Variants in ASH1L observed in about 807,000 individuals in gnomAD.
The protein encoded by ASH1L is ASH1 like histone lysine methyltransferase, also known as histone-lysine N-methyltransferase ASH1L.
A neutral mutation model predicts 269.0 loss-of-function variants in ASH1L; 23 were observed. The observed-to-expected ratio is 0.09, with a 90% CI of 0.06 to 0.12. The LOEUF is 0.12. Ranked by LOEUF, ASH1L falls within the 10% of genes least tolerant of loss-of-function variation. ASH1L has a pLI of 1.00. For missense variants in ASH1L, 2,912 were observed against 3,567.8 expected (o/e 0.82, Z 4.68); for synonymous variants, 1,187 against 1,253.5 (o/e 0.95, Z 1.12).
At chr1:155,474,188 G>A (rs1285692206) in intron 3 of ASH1L, among the ~76,000 whole-genome samples, 1 of 152,062 alleles carries the variant, frequency 6.6e-6, no homozygotes, top group African/African-American at 2.4e-5. Context: ...TTGATGCTCT[G>A]CTTATAAAGT....
intron 3 of ASH1L, among the ~76,000 whole-genome samples, chr1:155,465,934 T>A (rs1056478839): frequency 2.0e-5 from 3 of 152,190 alleles, no homozygotes; most frequent in Admixed American, 6.5e-5. Context: ...AAAAGCTGGG[T>A]CCACAATAAA....
At position 155,380,134 on chromosome 1, in the gene ASH1L, A is replaced by G. The variant is rs752540445; in HGVS notation, c.6104-18T>C. On this transcript the variant is annotated intron_variant, in intron 7 of 27. Transcript: ENST00000392403. Reference sequence around the variant, plus strand: ...ATACTTTCCTGAAACAAAAAACACTATTAATTTCAATACCTTTTCTAATAT... The same window carrying G: ...ATACTTTCCTGAAACAAAAAACACTGTTAATTTCAATACCTTTTCTAATAT... 2.1e-5 allele frequency: 33 copies of G among 1,571,122 alleles called. No homozygotes were observed. The highest frequency in any genetic ancestry group is 2.6e-5 in the Non-Finnish European group (30 of 1,141,194).
intron 3 of ASH1L, 122 bp from the exon 4 acceptor site, chr1:155,460,020 T>C (rs1558129119): frequency 1.5e-6 from 1 of 674,944 alleles, no homozygotes; most frequent in Non-Finnish European, 2.4e-6. Context: ...TGTAATAACA[T>C]GACTTGTAAC....
At chr1:155,342,481 G>GTTACT (rs1553241660) in intron 24 of ASH1L, among the ~76,000 whole-genome samples, 1 of 152,184 alleles carries the variant, frequency 6.6e-6, no homozygotes, top group Non-Finnish European at 1.5e-5. Flanking sequence ...ACTGAGACAA[G>GTTACT]GAGGACTCAT....
At position 155,521,206 on chromosome 1, in the gene ASH1L, T is replaced by C; in HGVS notation, c.314A>G (p.Asn105Ser). The C allele has an allele frequency of 6.2e-7, 1 of 1,614,144 alleles. No homozygotes were observed. The highest frequency in any genetic ancestry group is 1.1e-5 in the South Asian group (1 of 91,074). The change falls in exon 2 of 28, where the codon AAC becomes AGC. Residue 105 changes from asparagine (N) to serine (S), a missense_variant. Asn to Ser is a conservative substitution (Grantham distance 46). Transcript: ENST00000392403. The stretch of plus-strand genomic sequence containing the variant: ...TTTTATGGCAGGTCGACATACATAG[T>C]TCTCCAAGTTCTTTGGAGGTTTTTT... ...RTKKPPKNLENYVCRPAIKTT... is the reference protein window; with the variant it reads ...RTKKPPKNLESYVCRPAIKTT...
chr1:155,536,287 G>A (rs1670051434), intron 1 of ASH1L, among the ~76,000 whole-genome samples: 1 of 152,176 alleles, frequency 6.6e-6, no homozygotes, highest in Non-Finnish European at 1.5e-5. Flanking sequence ...GGGCATGCAG[G>A]ACTTATACAG....
At chr1:155,400,939 C>T (rs1558065674) in intron 6 of ASH1L, among the ~76,000 whole-genome samples, 1 of 152,082 alleles carries the variant, frequency 6.6e-6, no homozygotes, top group Admixed American at 6.6e-5. Context: ...TCAGGCAGAT[C>T]ACTTGAGGCA....
At chr1:155,406,415 C>T (rs1274978153) in intron 6 of ASH1L, among the ~76,000 whole-genome samples, 5 of 152,070 alleles carry the variant, frequency 3.3e-5, no homozygotes, top group Admixed American at 2.0e-4. Context: ...TACAAAACTC[C>T]GGTATTTGGC....
chr1:155,473,788 C>G (rs935116495), intron 3 of ASH1L, among the ~76,000 whole-genome samples: 1 of 152,236 alleles, frequency 6.6e-6, no homozygotes, highest in South Asian at 2.1e-4. Flanking sequence ...GCATTAGCCA[C>G]CATTCCCAGC....
intron 1 of ASH1L, among the ~76,000 whole-genome samples, chr1:155,556,847 T>C (rs926205067): frequency 1.3e-5 from 2 of 151,884 alleles, no homozygotes; most frequent in African/African-American, 2.4e-5. Context: ...TCGAGACCAG[T>C]GGGGGCAACA....
At position 155,499,538 on chromosome 1, in the gene ASH1L, T is replaced by C. The variant is rs367939158; in HGVS notation, c.421-17089A>G. On this transcript the variant is annotated intron_variant, in intron 2 of 27. Coordinates refer to ENST00000392403, the MANE Select transcript of ASH1L (RefSeq NM_018489.3). Reference sequence around the variant, plus strand: ...AAGTTTCATCTTGTCTTCCTATTAATGAATTTTCATAAAAGTTCCAGGTTT... The same window carrying C: ...AAGTTTCATCTTGTCTTCCTATTAACGAATTTTCATAAAAGTTCCAGGTTT... Among the ~76,000 whole-genome samples the C allele has an allele frequency of 5.9e-5, 9 of 152,216 alleles. No homozygotes were observed. In the East Asian group the frequency reaches 1.5e-3, roughly 26 times the overall value.
At chr1:155,424,884 C>A (rs1009153599) in intron 5 of ASH1L, among the ~76,000 whole-genome samples, 8 of 151,970 alleles carry the variant, frequency 5.3e-5, no homozygotes, top group African/African-American at 1.9e-4. Context: ...TGGCTCACTG[C>A]AACCTTCGCT....
intron 17 of ASH1L, among the ~76,000 whole-genome samples, chr1:155,350,997 G>C (rs1196003596): frequency 6.6e-6 from 1 of 151,844 alleles, no homozygotes; most frequent in African/African-American, 2.4e-5. Context: ...CAGCACTTTG[G>C]GAGGCTGAGG....
At chr1:155,536,985 C>T (rs1413802310) in intron 1 of ASH1L, among the ~76,000 whole-genome samples, 5 of 150,182 alleles carry the variant, frequency 3.3e-5, no homozygotes, top group Non-Finnish European at 5.9e-5. Context: ...GCGAGGCTTG[C>T]AGAGAGCCGA....
intron 1 of ASH1L, among the ~76,000 whole-genome samples, chr1:155,543,882 G>A (rs1670616654): frequency 6.6e-6 from 1 of 152,150 alleles, no homozygotes; most frequent in African/African-American, 2.4e-5. Flanking sequence ...TGAGGCTGCA[G>A]TAAGTCATGA....
chr1:155,397,383 GCTA>G (rs1177391900), intron 6 of ASH1L, among the ~76,000 whole-genome samples: 1 of 151,652 alleles, frequency 6.6e-6, no homozygotes, highest in Admixed American at 6.6e-5. Context: ...GGTAATCCCA[GCTA>G]CTCAAGAGGC....
intron 1 of ASH1L, among the ~76,000 whole-genome samples, chr1:155,528,624 T>C (rs1049118111): frequency 3.3e-5 from 5 of 152,170 alleles, no homozygotes; most frequent in African/African-American, 1.2e-4. Flanking sequence ...TGTTAATGCC[T>C]TCAGTTGAGT....
chr1:155,433,122 G>T (rs567543063), intron 5 of ASH1L: 4 of 1,398,410 alleles, frequency 2.9e-6, no homozygotes, highest in African/African-American at 2.9e-5. Flanking sequence ...TGATAGAAAG[G>T]AATATAAAAA....
intron 7 of ASH1L, among the ~76,000 whole-genome samples, chr1:155,383,674 G>C (rs948921078): frequency 6.6e-6 from 1 of 152,138 alleles, no homozygotes; most frequent in African/African-American, 2.4e-5. Flanking sequence ...GAACCTTAAA[G>C]ACATTATGCT....
Sources: allele counts gnomAD v4.1 joint callset (sites outside exome capture counted in the v4.1 genomes callset), GRCh38; gene constraint gnomAD v4.1.1; transcripts MANE v1.5; gene names NCBI Gene and HGNC (gene_info 2026-07-23, HGNC 2026-07-21).